Variants in AKAP8 observed in about 807,000 individuals in gnomAD.
The protein encoded by AKAP8 is A-kinase anchor protein 8.
A neutral mutation model predicts 67.5 loss-of-function variants in AKAP8; 24 were observed. That is an observed-to-expected ratio of 0.36 (90% CI 0.26 to 0.50). AKAP8 has a LOEUF of 0.50. Ranked by LOEUF, AKAP8 falls within the 20% of genes least tolerant of loss-of-function variation. The probability of loss-of-function intolerance (pLI) is 0.97; values close to 1 mark genes in which losing one functional copy is unlikely to be tolerated. For missense variants in AKAP8, 971 were observed against 955.9 expected (o/e 1.02, Z -0.21); for synonymous variants, 400 against 371.1 (o/e 1.08, Z -0.90).
chr19:15,373,725 C>G, intron 4 of AKAP8, 61 bp downstream of exon 4: 1 of 1,533,270 alleles, frequency 6.5e-7, no homozygotes, highest in Non-Finnish European at 8.7e-7. Context: ...GGTGCCCACT[C>G]CCATGCGCAC....
intron 9 of AKAP8, among the ~76,000 whole-genome samples, chr19:15,364,085 TAAATAAATA>T (rs1967026856): frequency 6.2e-5 from 1 of 16,090 alleles, no homozygotes; most frequent in Non-Finnish European, 1.1e-4. Flanking sequence ...AATAAATAAA[TAAATAAATA>T]AATTGGCAGT....
intron 9 of AKAP8, among the ~76,000 whole-genome samples, chr19:15,367,781 C>T (rs1967092992): frequency 6.6e-6 from 1 of 152,214 alleles, no homozygotes; most frequent in African/African-American, 2.4e-5. Flanking sequence ...GTGTCAAACT[C>T]CAGGGGTGGT....
chr19:15,368,574 G>C (rs1007198031), intron 8 of AKAP8: 1 of 985,190 alleles, frequency 1.0e-6, no homozygotes, highest in South Asian at 4.7e-5. Flanking sequence ...TAGGGACACA[G>C]CCTGCCCACC....
chr19:15,363,626 T>C (rs1967018115), intron 9 of AKAP8, among the ~76,000 whole-genome samples: 1 of 150,660 alleles, frequency 6.6e-6, no homozygotes, highest in Non-Finnish European at 1.5e-5. Context: ...GAGGAGCCCC[T>C]CTGCCCAGCC....
chr19:15,355,663 G>A (rs536352944), intron 13 of AKAP8, among the ~76,000 whole-genome samples: 1 of 151,704 alleles, frequency 6.6e-6, no homozygotes, highest in Admixed American at 6.6e-5. Context: ...TTTTAGTAGA[G>A]ATGGGGTTTC....
chr19:15,361,942 T>G, intron 10 of AKAP8, 120 bp from the exon 11 acceptor site: 1 of 1,339,942 alleles, frequency 7.5e-7, no homozygotes, highest in Middle Eastern at 1.9e-4. Context: ...CACAGCACGA[T>G]GGCTGGAGCT....
At chr19:15,368,517 G>A (rs1427893641) in intron 8 of AKAP8, 195 bp from the exon 9 acceptor site, 1 of 985,172 alleles carries the variant, frequency 1.0e-6, no homozygotes, top group African/African-American at 1.7e-5. Flanking sequence ...TGAGAGCCCG[G>A]AGTAGTCACC....
intron 8 of AKAP8, 134 bp downstream of exon 8, chr19:15,370,012 G>A (rs1967128032): frequency 2.9e-6 from 3 of 1,046,250 alleles, no homozygotes; most frequent in African/African-American, 1.6e-5. Flanking sequence ...AGGCCCATCT[G>A]GTGGCTGCAG....
Position 15,369,008 on chromosome 19 carries a change from T to G in AKAP8, c.1073-686A>C. 1 of 986,052 alleles carries G rather than the reference T, an allele frequency of 1.0e-6. No homozygotes were observed. The highest frequency in any genetic ancestry group is 4.7e-5 in the South Asian group (1 of 21,326). The allele number at this position is 986,052 out of a possible 1,614,324, so 61.1% of individuals were successfully genotyped here. On this transcript the variant is annotated intron_variant, in intron 8 of 13. Transcript: ENST00000269701. This position sits in a 1 kb window ranked among gnomAD's most constrained non-coding sequence, Gnocchi z 4.6. ...GAGCCACGCGGCCATCATCCCAGCA[T>G]GAGGCCAGGGACGGACGCTGAAAAA...
Position 15,374,580 on chromosome 19 carries a change from A to AC in AKAP8, c.91+22dup, listed in dbSNP as rs201765899. 9,961 of 1,550,944 alleles carry AC rather than the reference A, an allele frequency of 6.4e-3. 49 individuals carry two copies. Among genetic ancestry groups the AC allele is most frequent in the African/African-American group, 0.028 (2,012 of 71,980 alleles). ...CAGAGGCCCACTTGCCCGCCCACAGACCCCCCCCACAGAAGGGCTTACCTT... is the reference window on the plus strand; with the variant it reads ...CAGAGGCCCACTTGCCCGCCCACAGACCCCCCCCCACAGAAGGGCTTACCTT... On this transcript the variant is annotated intron_variant, in intron 3 of 13. Coordinates refer to ENST00000269701, the MANE Select transcript of AKAP8 (RefSeq NM_005858.4).
rs1406016403 is a variant in AKAP8, at chr19:15,359,011, A to C, written c.1579T>G (p.Leu527Val). The C allele has an allele frequency of 2.5e-6, 4 of 1,614,226 alleles. No individual in the cohort carries two copies. In the African/African-American group the frequency reaches 5.3e-5, roughly 22 times the overall value. The stretch of plus-strand genomic sequence containing the variant: ...ATCTTCACTATATGTCTGTTGTTCA[A>C]AACACTCTTAGCCACATGGAGACTG... ...KTSLHVAKSV[L>V]NNRHIVKMLE... The change falls in exon 13 of 14, where the codon TTG (leucine) becomes GTG (valine). Residue 527 changes from leucine to valine, a missense_variant. By Grantham distance (32) the Leu-to-Val change is conservative. Around this residue, in one of 3 missense-constraint regions of AKAP8, gnomAD observed 763 missense variants for 745.4 expected, o/e 1.02. Coordinates refer to ENST00000269701, the MANE Select transcript of AKAP8 (RefSeq NM_005858.4).
rs1386691512 is a variant in AKAP8, at chr19:15,356,772, C to T, written c.1624-1402G>A. Among the ~76,000 whole-genome samples the T allele has an allele frequency of 2.0e-5, 3 of 152,122 alleles. No individual in the cohort carries two copies. The East Asian group carries it at 5.8e-4, about 29-fold the overall frequency. ...CTGTAACCCCAGCAATTTGGGAGGT[C>T]AAGGCGGGAGGATCACTTGAGGCCA... On this transcript the variant is annotated intron_variant, in intron 13 of 13. Transcript: ENST00000269701.
chr19:15,375,937 C>CTT (rs1020482101), intron 2 of AKAP8, among the ~76,000 whole-genome samples: 4 of 144,072 alleles, frequency 2.8e-5, no homozygotes, highest in South Asian at 2.2e-4. Flanking sequence ...CGTGCCTGGC[C>CTT]TTTTTTTTTT....
intron 10 of AKAP8, 133 bp from the exon 11 acceptor site, chr19:15,361,955 C>G: frequency 1.5e-6 from 2 of 1,347,142 alleles, no homozygotes; most frequent in Non-Finnish European, 2.0e-6. Context: ...CTGGAGCTCC[C>G]GGTTGTCCCT....
At chr19:15,356,097 T>C (rs1037387601) in intron 13 of AKAP8, among the ~76,000 whole-genome samples, 8 of 152,048 alleles carry the variant, frequency 5.3e-5, no homozygotes, top group Non-Finnish European at 1.0e-4. Flanking sequence ...CTTAACTTGA[T>C]GTTTTTTAAA....
chr19:15,368,385 CCTGGTCGGGGGG>C lies in AKAP8; in HGVS notation c.1073-75_1073-64del, dbSNP rs988135665. The C allele has an allele frequency of 2.8e-4, 458 of 1,608,876 alleles. 4 individuals are homozygous for C. The highest frequency in any genetic ancestry group is 2.7e-4 in the Admixed American group (16 of 59,964). On this transcript the variant is annotated intron_variant, in intron 8 of 13. Coordinates refer to ENST00000269701, the MANE Select transcript of AKAP8 (RefSeq NM_005858.4). ...CCTGCAAAGGAGCTGAGCTCCAGGG[CCTGGTCGGGGGG>C]CTGCAGCTTGGCCACCGCACCCTGT...
chr19:15,379,615 C>T, intron 1 of AKAP8, 98 bp downstream of exon 1: 1 of 1,439,956 alleles, frequency 6.9e-7, no homozygotes, highest in Non-Finnish European at 9.3e-7. Flanking sequence ...GGCAACCACG[C>T]TCGGGACGAA....
chr19:15,373,759 C>CG (rs1555694792), intron 4 of AKAP8, 27 bp downstream of exon 4: 1 of 1,588,234 alleles, frequency 6.3e-7, no homozygotes, highest in Admixed American at 1.7e-5. Context: ...TGTGGGGTCC[C>CG]GGGGGAGGGC....
Position 15,371,991 on chromosome 19 carries a change from T to C in AKAP8, c.999A>G (p.Ala333=), listed in dbSNP as rs529269434. 1.1e-5 allele frequency: 17 copies of C among 1,614,132 alleles called. No individual in the cohort carries two copies. The Admixed American group carries it at 2.0e-4, about 19-fold the overall frequency. The part of the protein sequence containing the change: ...SEGDFSENDD[A]AGDFRSGDEE... ...CATCTCCTGAGCGGAAGTCACCAGC[T>C]GCGTCATCTGCCAGACACAAAGAAA... Residue 333 remains alanine (A), a synonymous_variant, in exon 7 of 14, where the codon GCA becomes GCG. Coordinates refer to ENST00000269701, the MANE Select transcript of AKAP8 (RefSeq NM_005858.4).
Sources: allele counts gnomAD v4.1 joint callset (sites outside exome capture counted in the v4.1 genomes callset), GRCh38; gene constraint gnomAD v4.1.1; regional missense constraint gnomAD v4.1.1; non-coding constraint Gnocchi (gnomAD v3.1); transcripts MANE v1.5; gene names NCBI Gene and HGNC (gene_info 2026-07-23, HGNC 2026-07-21).